The following SLC18A2 variants were observed in gnomAD, a reference collection of about 807,000 sequenced individuals.
SLC18A2 encodes the protein solute carrier family 18 member A2.
Under a neutral mutation model 59.2 loss-of-function variants are expected in SLC18A2, and 33 were observed. That is an observed-to-expected ratio of 0.56 (90% CI 0.42 to 0.75). The LOEUF (loss-of-function observed/expected upper bound fraction) is 0.75, where lower values mean the gene tolerates loss of function less well. Among genes scored for constraint, SLC18A2 ranks in the 30% least tolerant of loss-of-function variants. The pLI is 0.00. For synonymous variants in SLC18A2, 228 were observed against 253.5 expected (o/e 0.90, Z 0.95); for missense variants, 569 against 668.6 (o/e 0.85, Z 1.64).
At chr10:117,254,858 A>G (rs1844209766) in intron 6 of SLC18A2, among the ~76,000 whole-genome samples, 1 of 152,226 alleles carries the variant, frequency 6.6e-6, no homozygotes, top group Non-Finnish European at 1.5e-5. Context: ...CTGACTTCCC[A>G]GACCAGGGGA....
intron 15 of SLC18A2, among the ~76,000 whole-genome samples, chr10:117,273,774 T>A (rs1844452858): frequency 6.6e-6 from 1 of 152,232 alleles, no homozygotes; most frequent in African/African-American, 2.4e-5. Context: ...GGCACTCTTA[T>A]CTTTTAATGC....
At chr10:117,263,862 G>A (rs534715933) in intron 10 of SLC18A2, among the ~76,000 whole-genome samples, 5 of 152,232 alleles carry the variant, frequency 3.3e-5, no homozygotes, top group South Asian at 2.1e-4. Flanking sequence ...GGTAGGACAC[G>A]GGCCTGTACC....
chr10:117,255,778 A>T, intron 9 of SLC18A2, 121 bp downstream of exon 9: 1 of 837,384 alleles, frequency 1.2e-6, no homozygotes, highest in Non-Finnish European at 1.8e-6. Flanking sequence ...GCTATATAAA[A>T]AAACAGAAAA....
At chr10:117,274,159 C>CT (rs36083737) in intron 15 of SLC18A2, among the ~76,000 whole-genome samples, 3 of 152,036 alleles carry the variant, frequency 2.0e-5, no homozygotes, top group Non-Finnish European at 2.9e-5. Context: ...TTGTGTATAA[C>CT]TTTTTTTTAA....
chr10:117,254,302 T>C, intron 5 of SLC18A2, 103 bp from the exon 6 acceptor site: 2 of 1,214,786 alleles, frequency 1.6e-6, no homozygotes. Context: ...ATCTGACAGG[T>C]TTGGGAAGAT....
At chr10:117,268,167 C>T (rs1844371105) in intron 13 of SLC18A2, 1 of 158,630 alleles carries the variant, frequency 6.3e-6, no homozygotes, top group Admixed American at 6.3e-5. Context: ...GCAGGAATTC[C>T]CATGGGCAAG....
rs952439656 is a variant in SLC18A2, at chr10:117,278,396, A to G, written c.*1130A>G. ...GTGATCAGGCAGAAAAGAAAAATGG[A>G]ACATCTAAAAATGTATGTGCTAACT... On this transcript the variant is annotated 3_prime_UTR_variant, in exon 16 of 16. Transcript: ENST00000644641. 9.9e-5 allele frequency: 15 copies of G among 152,242 alleles called. No homozygotes were observed. Among genetic ancestry groups the G allele is most frequent in the African/African-American group, 3.6e-4 (15 of 41,472 alleles). 9.4% of individuals were successfully genotyped at this position (152,242 alleles called of 1,614,324 possible).
intron 3 of SLC18A2, 128 bp downstream of exon 3, chr10:117,244,441 A>G: frequency 1.3e-6 from 1 of 799,810 alleles, no homozygotes; most frequent in South Asian, 1.8e-5. Flanking sequence ...GCTGGGGAAA[A>G]CCCAGTCCCC....
At chr10:117,261,117 G>A (rs774017977) in intron 10 of SLC18A2, among the ~76,000 whole-genome samples, 1 of 152,116 alleles carries the variant, frequency 6.6e-6, no homozygotes, top group Non-Finnish European at 1.5e-5. Flanking sequence ...CAGCACTTTG[G>A]GAGGCCGAGG....
intron 3 of SLC18A2, among the ~76,000 whole-genome samples, chr10:117,247,792 G>T (rs555958193): frequency 6.6e-6 from 1 of 152,112 alleles, no homozygotes; most frequent in Admixed American, 6.6e-5. Flanking sequence ...GCTTCCTGTA[G>T]TCAGGCTGGG....
At chr10:117,253,345 C>A (rs1325848647) in intron 3 of SLC18A2, 54 bp from the exon 4 acceptor site, 9 of 1,321,446 alleles carry the variant, frequency 6.8e-6, no homozygotes, top group Middle Eastern at 1.8e-4. Context: ...CAATATAAAG[C>A]CTTAAAAAAA....
At chr10:117,257,704 C>T (rs537049195) in intron 9 of SLC18A2, 93 bp from the exon 10 acceptor site, 43 of 637,010 alleles carry the variant, frequency 6.8e-5, no homozygotes, top group African/African-American at 3.9e-4. Context: ...GTAGAAGTTG[C>T]GGTTATCTGA....
chr10:117,268,371 G>A (rs1844373959), intron 13 of SLC18A2: 1 of 152,304 alleles, frequency 6.6e-6, no homozygotes, highest in Admixed American at 6.5e-5. Flanking sequence ...GGCTTTCACT[G>A]AGGACAGATG....
At chr10:117,253,525 G>A in intron 4 of SLC18A2, 68 bp downstream of exon 4, 1 of 573,900 alleles carries the variant, frequency 1.7e-6, no homozygotes, top group Non-Finnish European at 3.0e-6. Flanking sequence ...CCATGAGCCG[G>A]GAATTAACAA....
chr10:117,270,201 T>C lies in SLC18A2; in HGVS notation c.1306+11T>C. 5.6e-6 allele frequency: 9 copies of C among 1,614,120 alleles called. No homozygotes were observed. Among genetic ancestry groups the C allele is most frequent in the Non-Finnish European group, 7.6e-6 (9 of 1,180,006 alleles). Reference sequence around the variant, plus strand: ...TGGGGTATGCTATAGGTAAGGACATTGGCTTTTCATAAGAACCTTTTACCT... The same window carrying C: ...TGGGGTATGCTATAGGTAAGGACATCGGCTTTTCATAAGAACCTTTTACCT... On this transcript the variant is annotated intron_variant, in intron 14 of 15. Coordinates refer to ENST00000644641, the MANE Select transcript of SLC18A2 (RefSeq NM_003054.6).
At chr10:117,261,604 G>A (rs1241299748) in intron 10 of SLC18A2, among the ~76,000 whole-genome samples, 1 of 152,168 alleles carries the variant, frequency 6.6e-6, no homozygotes, top group Non-Finnish European at 1.5e-5. Context: ...CCTGGGGAAT[G>A]GGGGTGTCTT....
At chr10:117,266,375 G>A (rs918536534) in intron 10 of SLC18A2, among the ~76,000 whole-genome samples, 2 of 152,128 alleles carry the variant, frequency 1.3e-5, no homozygotes, top group Admixed American at 1.3e-4. Context: ...TTCAATGACT[G>A]CGTCTTACTT....
At position 117,244,248 on chromosome 10, in the gene SLC18A2, G is replaced by A. The variant is rs765147176; in HGVS notation, c.399G>A (p.Leu133=). The change falls in exon 3 of 16, where the codon CTG becomes CTA. Residue 133 remains leucine, a synonymous_variant. Transcript: ENST00000644641. ...TGAATGAAAACGTGCAAGTTGGTCT[G>A]TTGTTTGCCTCGAAAGCCACCGTCC... is the stretch of plus-strand genomic sequence containing the variant. The part of the protein sequence containing the change: ...DLLNENVQVG[L]LFASKATVQL... The A allele has an allele frequency of 6.2e-7, 1 of 1,614,230 alleles. No homozygotes were observed. Among genetic ancestry groups the A allele is most frequent in the Non-Finnish European group, 8.5e-7 (1 of 1,180,034 alleles).
At chr10:117,250,539 A>G (rs571582003) in intron 3 of SLC18A2, among the ~76,000 whole-genome samples, 2 of 152,374 alleles carry the variant, frequency 1.3e-5, no homozygotes, top group East Asian at 3.9e-4. Context: ...CTCAAATGGT[A>G]AAAAGAACCC....
Sources: gnomAD v4.1 joint callset for allele counts (sites outside exome capture counted in the v4.1 genomes callset) on GRCh38, gnomAD v4.1.1 for gene constraint, MANE v1.5 for transcripts, NCBI Gene and HGNC (gene_info 2026-07-23, HGNC 2026-07-21) for gene names.